MTRR: variants seen among roughly 807,000 people sequenced by gnomAD.
MTRR encodes the protein 5-methyltetrahydrofolate-homocysteine methyltransferase reductase.
MTRR carries 63 observed loss-of-function variants against 79.2 expected under a neutral mutation model. The ratio of observed to expected loss-of-function variants is 0.80; its 90% CI spans 0.65 to 0.98. The LOEUF is 0.98. MTRR is among the 50% of genes least tolerant of loss of function. The pLI is 0.00. For synonymous variants in MTRR, 355 were observed against 313.3 expected (o/e 1.13, Z -1.41); for missense variants, 895 against 839.6 (o/e 1.07, Z -0.82).
At chr5:7,865,597 G>A (rs2126608570), upstream of MTRR, among the ~76,000 whole-genome samples, 1 of 152,308 alleles carries the variant, frequency 6.6e-6, no homozygotes, top group South Asian at 2.1e-4. Flanking sequence ...AAACCTAGTA[G>A]TAAACCTAGT....
At chr5:7,875,231 C>T (rs555305882) in intron 3 of MTRR, 27 bp from the exon 4 acceptor site, 1 of 1,422,342 alleles carries the variant, frequency 7.0e-7, no homozygotes, top group South Asian at 1.1e-5. Context: ...CTTTATTGTG[C>T]ATTAATTATG....
chr5:7,872,046 C>T (rs1215686637), intron 2 of MTRR, among the ~76,000 whole-genome samples: 3 of 152,110 alleles, frequency 2.0e-5, no homozygotes, highest in African/African-American at 7.2e-5. Context: ...TATTTATCCT[C>T]CCTGGCTGAT....
At position 7,883,262 on chromosome 5, in the gene MTRR, A is replaced by G. The variant is rs1198478828; in HGVS notation, c.888A>G (p.Val296=). 1.9e-6 allele frequency: 3 copies of G among 1,614,248 alleles called. No homozygotes were observed. The highest frequency in any genetic ancestry group is 1.7e-6 in the Non-Finnish European group (2 of 1,180,034). ...ATGCCATAAAAACCACTCTGCTGGT[A>G]GAATTGGACATTTCAGTAAGTTGCA... ...TNDAIKTTLL[V]ELDISNTDFS... is the part of the protein sequence containing the mutation. The change falls in exon 6 of 15, where the codon GTA becomes GTG. Residue 296 remains valine (V), a synonymous_variant. Coordinates refer to ENST00000440940, the MANE Select transcript of MTRR (RefSeq NM_002454.3).
At chr5:7,869,005 G>A (rs772983940), upstream of MTRR, 4 of 1,062,456 alleles carry the variant, frequency 3.8e-6, no homozygotes, top group South Asian at 2.5e-5. Context: ...ATCACTCCGG[G>A]TGGTCGCGGA....
intron 1 of MTRR, 22 bp from the exon 2 acceptor site, chr5:7,870,748 T>G (rs1237919830): frequency 6.2e-7 from 1 of 1,613,828 alleles, no homozygotes; most frequent in Admixed American, 1.7e-5. Flanking sequence ...AAAAAGAGGA[T>G]CTTTTTTCCC....
chr5:7,896,391 T>C, intron 12 of MTRR: 1 of 208,192 alleles, frequency 4.8e-6, no homozygotes, highest in Non-Finnish European at 9.7e-6. Flanking sequence ...AGTAGAGTCC[T>C]GTCCTTCGGA....
At position 7,900,161 on chromosome 5, in the gene MTRR, T is replaced by C. The variant is rs1184078423; in HGVS notation, c.*103T>C. 2 of 1,381,964 alleles carry C rather than the reference T, an allele frequency of 1.4e-6. No homozygotes were observed. Among genetic ancestry groups the C allele is most frequent in the Non-Finnish European group, 2.0e-6 (2 of 1,004,162 alleles). 85.6% of individuals were successfully genotyped at this position (1,381,964 alleles called of 1,614,324 possible). A position where few individuals can be genotyped will look rare whatever the true frequency, so the allele number is the denominator to read the frequency against. On this transcript the variant is annotated 3_prime_UTR_variant, in exon 15 of 15. Coordinates refer to ENST00000440940, the MANE Select transcript of MTRR (RefSeq NM_002454.3). ...TAAATTTTCAAAAGAAAATTTTCTTTCAACATTTCTTGAAGGACATGGAGT... is the reference window on the plus strand; with the variant it reads ...TAAATTTTCAAAAGAAAATTTTCTTCCAACATTTCTTGAAGGACATGGAGT...
chr5:7,868,964 C>A (rs751067281), upstream of MTRR: 1 of 770,390 alleles, frequency 1.3e-6, no homozygotes, highest in Non-Finnish European at 2.3e-6. Flanking sequence ...GCGGAGACCC[C>A]GCGTTGACAC....
chr5:7,899,953 T>C lies in MTRR; in HGVS notation c.1992T>C (p.Leu664=), dbSNP rs375588388. 2 of 1,614,078 alleles carry C rather than the reference T, an allele frequency of 1.2e-6. No homozygotes were observed. The highest frequency in any genetic ancestry group is 2.7e-5 in the African/African-American group (2 of 74,934). Residue 664 remains leucine (L), a synonymous_variant, in exon 15 of 15, where the codon CTT becomes CTC. Coordinates refer to ENST00000440940, the MANE Select transcript of MTRR (RefSeq NM_002454.3). ...TGGCCAAGGATGTACATGATGCCCT[T>C]GTGCAAATAATAAGCAAAGAGGTTG... ...KNMAKDVHDA[L]VQIISKEVGV...
upstream of MTRR, chr5:7,867,397 G>C: frequency 6.2e-7 from 1 of 1,614,200 alleles, no homozygotes; most frequent in Non-Finnish European, 8.5e-7. Context: ...AACCTGAACT[G>C]TGCAGTGTAA....
intron 7 of MTRR, 118 bp downstream of exon 7, chr5:7,885,972 T>C: frequency 7.4e-7 from 1 of 1,353,866 alleles, no homozygotes; most frequent in Non-Finnish European, 1.1e-6. Context: ...TGCCTGGGGC[T>C]CAGCTGCGCA....
intron 4 of MTRR, among the ~76,000 whole-genome samples, chr5:7,875,870 G>T (rs1164548704): frequency 6.6e-6 from 1 of 152,244 alleles, no homozygotes; most frequent in Non-Finnish European, 1.5e-5. Flanking sequence ...ATGCCAATCA[G>T]ACGTTTACAG....
intron 12 of MTRR, chr5:7,896,525 C>T (rs1314832048): frequency 2.0e-5 from 7 of 350,490 alleles, no homozygotes; most frequent in South Asian, 1.4e-4. Flanking sequence ...CAGCCCTGAG[C>T]CACTTTTCCA....
At chr5:7,852,391 A>G (rs541394647) in intron 1 of MTRR, among the ~76,000 whole-genome samples, 45 of 152,088 alleles carry the variant, frequency 3.0e-4, no homozygotes, top group African/African-American at 1.0e-3. Flanking sequence ...CTTTTTATTT[A>G]TATCTGTCTC....
At chr5:7,879,816 T>C (rs1735288913) in intron 5 of MTRR, among the ~76,000 whole-genome samples, 1 of 152,192 alleles carries the variant, frequency 6.6e-6, no homozygotes, top group Admixed American at 6.5e-5. Flanking sequence ...CCAGAGGGTC[T>C]TCTGGGTTGT....
chr5:7,863,209 G>A (rs1161015300), intron 2 of MTRR: 1 of 532,390 alleles, frequency 1.9e-6, no homozygotes, highest in South Asian at 2.3e-5. Context: ...TCTTTTATAT[G>A]TGTTTTTACA....
upstream of MTRR, chr5:7,851,043 C>T: frequency 8.1e-7 from 1 of 1,238,230 alleles, no homozygotes; most frequent in Non-Finnish European, 1.0e-6. Flanking sequence ...CCAGCGCCCC[C>T]GCCTTGGCCG....
upstream of MTRR, chr5:7,868,911 G>A: frequency 1.6e-6 from 1 of 617,590 alleles, no homozygotes; most frequent in South Asian, 1.8e-5. Flanking sequence ...GCAGCCTGAG[G>A]AGAAAGCCGG....
chr5:7,851,194 C>G (rs1746070706), upstream of MTRR: 2 of 714,776 alleles, frequency 2.8e-6, no homozygotes, highest in Non-Finnish European at 1.9e-6. Context: ...GCAGCATTCC[C>G]GCTCCAGGGT....
Sources: allele counts gnomAD v4.1 joint callset (sites outside exome capture counted in the v4.1 genomes callset), GRCh38; gene constraint gnomAD v4.1.1; transcripts MANE v1.5; gene names NCBI Gene and HGNC (gene_info 2026-07-23, HGNC 2026-07-21).